Variants in CDH13 observed in about 807,000 individuals in gnomAD.
CDH13 encodes cadherin-13.
A neutral mutation model predicts 63.8 loss-of-function variants in CDH13; 24 were observed. The observed-to-expected ratio is 0.38, with a 90% CI of 0.27 to 0.53. CDH13 has a LOEUF of 0.53. Ranked by LOEUF, CDH13 falls within the 20% of genes least tolerant of loss-of-function variation. CDH13 has a pLI of 0.85. For synonymous variants in CDH13, 503 were observed against 355.3 expected (o/e 1.42, Z -4.67); for missense variants, 1,049 against 903.1 (o/e 1.16, Z -2.07).
At chr16:82,726,467 AG>A (rs1405775177) in intron 1 of CDH13, among the ~76,000 whole-genome samples, 2 of 152,232 alleles carry the variant, frequency 1.3e-5, no homozygotes, top group Admixed American at 6.5e-5. Context: ...ACTGTTTACA[AG>A]ATAAAAACCA....
intron 1 of CDH13, among the ~76,000 whole-genome samples, chr16:82,776,796 T>C (rs966614499): frequency 6.6e-6 from 1 of 152,162 alleles, no homozygotes; most frequent in South Asian, 2.1e-4. Flanking sequence ...CAGAAAGAGA[T>C]GGGAGCTTCC....
intron 4 of CDH13, among the ~76,000 whole-genome samples, chr16:83,150,231 T>A (rs2036918689): frequency 6.6e-6 from 1 of 152,136 alleles, no homozygotes; most frequent in African/African-American, 2.4e-5. Context: ...CCAATGAGAG[T>A]GATCTTCTAA....
At chr16:83,031,506 C>T (rs557378190) in intron 2 of CDH13, among the ~76,000 whole-genome samples, 11 of 151,626 alleles carry the variant, frequency 7.3e-5, no homozygotes, top group African/African-American at 2.7e-4. Context: ...TTCTCATTCC[C>T]TGAATCTGTT....
At chr16:83,185,488 T>G (rs1042724702) in intron 4 of CDH13, among the ~76,000 whole-genome samples, 10 of 152,210 alleles carry the variant, frequency 6.6e-5, no homozygotes, top group Non-Finnish European at 1.3e-4. Flanking sequence ...TTTGTCACAT[T>G]TGATGCTAAA....
chr16:82,817,140 C>T (rs903225432), intron 1 of CDH13, among the ~76,000 whole-genome samples: 1 of 152,050 alleles, frequency 6.6e-6, no homozygotes, highest in Admixed American at 6.5e-5. Context: ...TTTGTCTTGA[C>T]TCTCCTTTCA....
intron 2 of CDH13, among the ~76,000 whole-genome samples, chr16:82,931,512 C>G (rs1470651698): frequency 1.6e-5 from 2 of 123,964 alleles, no homozygotes; most frequent in South Asian, 2.4e-4. Flanking sequence ...GAGGTCCCCC[C>G]CTTTTTTTTT....
At chr16:83,383,426 C>T (rs959349582) in intron 6 of CDH13, among the ~76,000 whole-genome samples, 1 of 152,182 alleles carries the variant, frequency 6.6e-6, no homozygotes, top group African/African-American at 2.4e-5. Flanking sequence ...CTCATGAGAC[C>T]TCAACTCACA....
At chr16:83,491,857 T>TA (rs931883904) in intron 7 of CDH13, among the ~76,000 whole-genome samples, 190 of 152,184 alleles carry the variant, frequency 1.2e-3, no homozygotes, top group African/African-American at 4.4e-3. Context: ...TGAAACTTTA[T>TA]AATGCCCAAA....
intron 3 of CDH13, among the ~76,000 whole-genome samples, chr16:83,097,098 C>A (rs530276143): frequency 1.3e-5 from 2 of 152,288 alleles, no homozygotes; most frequent in South Asian, 2.1e-4. Flanking sequence ...TGCTCAACCT[C>A]ATTCAAACTC....
At chr16:82,910,120 G>A (rs555285230) in intron 2 of CDH13, among the ~76,000 whole-genome samples, 1 of 152,316 alleles carries the variant, frequency 6.6e-6, no homozygotes, top group South Asian at 2.1e-4. Context: ...AAATGCCGAT[G>A]TCTGAGTCAT....
chr16:83,305,847 C>T (rs1225351040), intron 5 of CDH13, among the ~76,000 whole-genome samples: 1 of 152,210 alleles, frequency 6.6e-6, no homozygotes, highest in African/African-American at 2.4e-5. Flanking sequence ...TAAATTGTAG[C>T]TGTCGCAATT....
At chr16:83,431,712 T>G (rs1002709046) in intron 6 of CDH13, among the ~76,000 whole-genome samples, 2 of 151,908 alleles carry the variant, frequency 1.3e-5, no homozygotes, top group Non-Finnish European at 2.9e-5. Flanking sequence ...GCCACACACT[T>G]TCAAACAACC....
intron 4 of CDH13, among the ~76,000 whole-genome samples, chr16:83,199,477 T>C (rs1349864635): frequency 6.6e-6 from 1 of 152,194 alleles, no homozygotes; most frequent in Non-Finnish European, 1.5e-5. Flanking sequence ...ACTTCACCTC[T>C]CTGGGTCTCC....
intron 4 of CDH13, among the ~76,000 whole-genome samples, chr16:83,215,688 G>A (rs2151785064): frequency 6.6e-6 from 1 of 152,156 alleles, no homozygotes; most frequent in East Asian, 1.9e-4. Context: ...TTGATTAGGA[G>A]AGGGCAGGTT....
intron 10 of CDH13, among the ~76,000 whole-genome samples, chr16:83,723,997 A>G (rs1182779463): frequency 6.6e-6 from 1 of 152,162 alleles, no homozygotes; most frequent in Admixed American, 6.5e-5. Context: ...TGTGGAATGC[A>G]TGGATGGATG....
chr16:83,254,346 C>G (rs975972384), intron 5 of CDH13, among the ~76,000 whole-genome samples: 1 of 152,172 alleles, frequency 6.6e-6, no homozygotes, highest in African/African-American at 2.4e-5. Flanking sequence ...CTCTTGGAAG[C>G]CTCATGCACA....
chr16:83,280,817 C>T (rs566319442), intron 5 of CDH13, among the ~76,000 whole-genome samples: 15 of 152,284 alleles, frequency 9.9e-5, no homozygotes, highest in African/African-American at 3.4e-4. Flanking sequence ...TGGACATTTC[C>T]GTCAGAGCTC....
At chr16:83,273,562 C>T (rs1230758171) in intron 5 of CDH13, among the ~76,000 whole-genome samples, 2 of 152,082 alleles carry the variant, frequency 1.3e-5, no homozygotes, top group African/African-American at 4.8e-5. Flanking sequence ...GAGATCATGT[C>T]CTTCATGGCA....
chr16:83,788,873 A>G (rs1916066723), intron 13 of CDH13, among the ~76,000 whole-genome samples: 1 of 152,150 alleles, frequency 6.6e-6, no homozygotes, highest in Non-Finnish European at 1.5e-5. Flanking sequence ...GTAGCTGGAA[A>G]GTATTCAGTT....
Sources: allele counts gnomAD v4.1 joint callset (sites outside exome capture counted in the v4.1 genomes callset), GRCh38; gene constraint gnomAD v4.1.1; transcripts MANE v1.5; gene names NCBI Gene and HGNC (gene_info 2026-07-23, HGNC 2026-07-21).